KIAA0319L: variants seen among roughly 807,000 people sequenced by gnomAD.
KIAA0319L encodes KIAA0319 like.
Under a neutral mutation model 120.1 loss-of-function variants are expected in KIAA0319L, and 55 were observed. The observed-to-expected ratio is 0.46, with a 90% CI of 0.37 to 0.57. The LOEUF (loss-of-function observed/expected upper bound fraction) is 0.57, where lower values mean the gene tolerates loss of function less well. KIAA0319L is among the 20% of genes least tolerant of loss of function. The pLI is 0.00. For synonymous variants in KIAA0319L, 398 were observed against 471.9 expected (o/e 0.84, Z 2.03); for missense variants, 1,049 against 1,255.3 (o/e 0.84, Z 2.48).
At chr1:35,539,579 A>G (rs1646714604) in intron 2 of KIAA0319L, among the ~76,000 whole-genome samples, 1 of 152,266 alleles carries the variant, frequency 6.6e-6, no homozygotes, top group Non-Finnish European at 1.5e-5. Context: ...CTGCTTCAGC[A>G]TATGGGGCTG....
intron 4 of KIAA0319L, among the ~76,000 whole-genome samples, chr1:35,476,379 GA>G (rs774389504): frequency 6.6e-6 from 1 of 152,154 alleles, no homozygotes; most frequent in Non-Finnish European, 1.5e-5. Flanking sequence ...CATTTGCTAT[GA>G]GACTTCAAAA....
At position 35,469,110 on chromosome 1, in the gene KIAA0319L, C is replaced by T. The variant is rs1643456639; in HGVS notation, c.1113+1753G>A. On this transcript the variant is annotated intron_variant, in intron 6 of 20. Transcript: ENST00000325722. ...GTAGCATGATCATGGCTCACTGCAA[C>T]CTCTACCTCCTGGGCTCAAGCGATC... Among the ~76,000 whole-genome samples, 3 of 152,148 alleles carry T rather than the reference C, an allele frequency of 2.0e-5. No individual in the cohort carries two copies. In the South Asian group the frequency reaches 6.2e-4, roughly 32 times the overall value.
intron 2 of KIAA0319L, among the ~76,000 whole-genome samples, chr1:35,522,196 A>G (rs959681702): frequency 1.3e-5 from 2 of 152,174 alleles, no homozygotes; most frequent in African/African-American, 4.8e-5. Context: ...AATATTCATG[A>G]AACTTTAGGA....
At chr1:35,518,307 A>C (rs1379552414) in intron 2 of KIAA0319L, among the ~76,000 whole-genome samples, 1 of 152,218 alleles carries the variant, frequency 6.6e-6, no homozygotes, top group Non-Finnish European at 1.5e-5. Flanking sequence ...AAAGACATGG[A>C]ATCAACCTAA....
chr1:35,541,349 CTT>C (rs528087751), intron 2 of KIAA0319L, among the ~76,000 whole-genome samples: 14 of 127,468 alleles, frequency 1.1e-4, no homozygotes, highest in Non-Finnish European at 1.2e-4. Flanking sequence ...TTTTTTTTTC[CTT>C]TTTTTTTTTT....
chr1:35,492,336 A>G (rs1644627680), intron 3 of KIAA0319L, among the ~76,000 whole-genome samples: 2 of 152,076 alleles, frequency 1.3e-5, no homozygotes. Context: ...CAATATGGTG[A>G]AACCCCGTCT....
intron 3 of KIAA0319L, among the ~76,000 whole-genome samples, chr1:35,499,287 T>C (rs1558492692): frequency 1.3e-5 from 2 of 152,164 alleles, no homozygotes; most frequent in Non-Finnish European, 2.9e-5. Context: ...CCCAAAGTGA[T>C]GGTATTAGGA....
In KIAA0319L at chr1:35,433,857, G is replaced by A. The variant is rs1039867681; in HGVS notation, c.*1037C>T. On this transcript the variant is annotated 3_prime_UTR_variant, in exon 21 of 21. Coordinates refer to ENST00000325722, the MANE Select transcript of KIAA0319L (RefSeq NM_024874.5). ...TGCCACAACATTCCAGTCCATCTGG[G>A]GCTATCTCCTCTGGGGACAGGGAGC... 1 of 152,496 alleles carries A rather than the reference G, an allele frequency of 6.6e-6. No individual in the cohort carries two copies. Among genetic ancestry groups the A allele is most frequent in the Non-Finnish European group, 1.5e-5 (1 of 68,268 alleles). 9.4% of individuals were successfully genotyped at this position (152,496 alleles called of 1,614,324 possible).
At chr1:35,442,861 A>T (rs1641328202) in intron 18 of KIAA0319L, 45 bp downstream of exon 18, 11 of 1,613,336 alleles carry the variant, frequency 6.8e-6, no homozygotes, top group Non-Finnish European at 8.5e-6. Flanking sequence ...GCAGAACCAC[A>T]TTCAGCGCCA....
intron 12 of KIAA0319L, among the ~76,000 whole-genome samples, chr1:35,452,214 A>G (rs915599272): frequency 2.6e-5 from 4 of 152,230 alleles, no homozygotes; most frequent in African/African-American, 4.8e-5. Context: ...CTTCCTGATG[A>G]AAGAAAAGGA....
chr1:35,511,583 T>TA (rs1645446969), intron 2 of KIAA0319L: 1 of 152,086 alleles, frequency 6.6e-6, no homozygotes, highest in African/African-American at 2.4e-5. Flanking sequence ...TAAAAATTAC[T>TA]AAAAAATAAC....
chr1:35,535,096 TAAAAAAAAAAAA>T (rs56965473), intron 2 of KIAA0319L, among the ~76,000 whole-genome samples: 7 of 56,330 alleles, frequency 1.2e-4, no homozygotes, highest in Admixed American at 6.4e-4. Flanking sequence ...GACTCCGTCT[TAAAAAAAAAAAA>T]AAAAAAAAAA....
In KIAA0319L at chr1:35,506,836, C is replaced by T. The variant is rs776864360; in HGVS notation, c.442G>A (p.Val148Ile). 1 of 1,614,084 alleles carries T rather than the reference C, an allele frequency of 6.2e-7. No individual in the cohort carries two copies. Among genetic ancestry groups the T allele is most frequent in the East Asian group, 2.2e-5 (1 of 44,906 alleles). ...DDLGFLPEDD[V>I]PHLLGLGWNW... ...CAACCTAGCCCCAGAAGATGTGGTACATCATCTTCAGGTAGAAAGCCCAAA... is the reference window on the plus strand; with the variant it reads ...CAACCTAGCCCCAGAAGATGTGGTATATCATCTTCAGGTAGAAAGCCCAAA... The change falls in exon 3 of 21, where the codon GTA becomes ATA. Residue 148 changes from valine (V) to isoleucine (I), a missense_variant. Coordinates refer to ENST00000325722, the MANE Select transcript of KIAA0319L (RefSeq NM_024874.5). The surrounding 1 kb of genome is among the most constrained non-coding windows in gnomAD (Gnocchi z 4.0).
In KIAA0319L at chr1:35,506,600, T is replaced by C; in HGVS notation, c.666+12A>G. The C allele has an allele frequency of 8.1e-6, 13 of 1,600,982 alleles. No individual in the cohort carries two copies. Among genetic ancestry groups the C allele is most frequent in the Non-Finnish European group, 1.1e-5 (13 of 1,173,168 alleles). ...TAACCATTTCTCTGCTCCTTATTCA[T>C]AGCATGCTTACCTCTGCAGAGCCAC... On this transcript the variant is annotated intron_variant, in intron 3 of 20. Transcript: ENST00000325722. The surrounding 1 kb of genome is among the most constrained non-coding windows in gnomAD (Gnocchi z 4.0).
intron 1 of KIAA0319L, chr1:35,554,759 T>C: frequency 5.4e-6 from 1 of 185,910 alleles, no homozygotes; most frequent in Non-Finnish European, 1.0e-5. Context: ...TTATATTCCT[T>C]TTTTTTTTTT....
chr1:35,520,652 C>T (rs1645874684), intron 2 of KIAA0319L, among the ~76,000 whole-genome samples: 1 of 152,150 alleles, frequency 6.6e-6, no homozygotes, highest in Admixed American at 6.5e-5. Context: ...TCTGCTGCCT[C>T]AAGAATGAGC....
intron 17 of KIAA0319L, 103 bp downstream of exon 17, chr1:35,444,058 T>C: frequency 1.0e-6 from 1 of 970,112 alleles, no homozygotes; most frequent in Non-Finnish European, 1.5e-6. Flanking sequence ...ATTATCTCCA[T>C]CTTCCCAGAG....
intron 2 of KIAA0319L, among the ~76,000 whole-genome samples, chr1:35,523,778 A>G (rs1646018539): frequency 6.6e-6 from 1 of 152,240 alleles, no homozygotes; most frequent in African/African-American, 2.4e-5. Flanking sequence ...CCTGCAGACC[A>G]GAGGAAAAAC....
rs1645212082 is a variant in KIAA0319L at position 35,506,566 on chromosome 1, G to C, written c.666+46C>G. The C allele has an allele frequency of 2.6e-6, 4 of 1,545,702 alleles. No homozygotes were observed. In the East Asian group the frequency reaches 6.7e-5, roughly 26 times the overall value. On this transcript the variant is annotated intron_variant, in intron 3 of 20. Transcript: ENST00000325722. The surrounding 1 kb of genome is among the most constrained non-coding windows in gnomAD (Gnocchi z 4.0). ...CATTGCTCATATATACCAAATGTAA[G>C]AGCAGATTTAACCATTTCTCTGCTC... is the stretch of plus-strand genomic sequence containing the variant.
Sources: gnomAD v4.1 joint callset for allele counts (sites outside exome capture counted in the v4.1 genomes callset) on GRCh38, gnomAD v4.1.1 for gene constraint, Gnocchi (gnomAD v3.1) non-coding constraint, MANE v1.5 for transcripts, NCBI Gene and HGNC (gene_info 2026-07-23, HGNC 2026-07-21) for gene names.